The following PRICKLE1 variants were observed in gnomAD, a reference collection of about 807,000 sequenced individuals.
PRICKLE1 encodes prickle planar cell polarity protein 1, also known as prickle-like protein 1.
Under a neutral mutation model 70.2 loss-of-function variants are expected in PRICKLE1, and 14 were observed. The ratio of observed to expected loss-of-function variants is 0.20; its 90% CI spans 0.13 to 0.31. PRICKLE1 has a LOEUF of 0.31. PRICKLE1 is among the 10% of genes least tolerant of loss of function. The pLI is 1.00. For missense variants in PRICKLE1, 821 were observed against 1,026.2 expected, an observed-to-expected ratio of 0.80 and a Z score of 2.73; for synonymous variants, 357 against 379.9, an observed-to-expected ratio of 0.94 and a Z score of 0.70.
At chr12:42,494,836 T>A (rs12313342) in intron 1 of PRICKLE1, among the ~76,000 whole-genome samples, 1 of 148,354 alleles carries the variant, frequency 6.7e-6, no homozygotes, top group South Asian at 2.1e-4. Flanking sequence ...CAATTCCTCG[T>A]CTGATAAAAT....
At chr12:42,550,776 C>T (rs1036972395) in intron 1 of PRICKLE1, among the ~76,000 whole-genome samples, 3 of 152,136 alleles carry the variant, frequency 2.0e-5, no homozygotes, top group East Asian at 1.9e-4. Flanking sequence ...TGAGAACGCT[C>T]GAAGTTACTT....
chr12:42,492,497 G>GCCAAAA (rs1180505931), intron 1 of PRICKLE1, among the ~76,000 whole-genome samples: 1 of 152,208 alleles, frequency 6.6e-6, no homozygotes, highest in African/African-American at 2.4e-5. Context: ...CGAGCAGCCA[G>GCCAAAA]AAGCCTCCTG....
chr12:42,561,917 T>C (rs1940522863), intron 1 of PRICKLE1, among the ~76,000 whole-genome samples: 5 of 145,640 alleles, frequency 3.4e-5, no homozygotes, highest in Admixed American at 2.7e-4. Context: ...TTTTTTTTTT[T>C]TTTTTTTTTT....
intron 1 of PRICKLE1, among the ~76,000 whole-genome samples, chr12:42,513,583 T>A (rs556009527): frequency 1.3e-5 from 2 of 151,492 alleles, no homozygotes; most frequent in South Asian, 4.2e-4. Context: ...AAAAAATGAA[T>A]AAGAGCTGCT....
At position 42,476,499 on chromosome 12, in the gene PRICKLE1, A is replaced by G. The variant is rs187234458; in HGVS notation, c.-48-3935T>C. 2.3e-3 allele frequency among the ~76,000 whole-genome samples: 350 copies of G among 150,644 alleles called. 1 individual carries two copies. The highest frequency in any genetic ancestry group is 8.3e-3 in the African/African-American group (339 of 40,894). Reference sequence around the variant, plus strand: ...ACCTGGCTAATTTTGTATTTTTAGTAGAGACGGGGTTTCTCCATGTTGGTC... The same window carrying G: ...ACCTGGCTAATTTTGTATTTTTAGTGGAGACGGGGTTTCTCCATGTTGGTC... On this transcript the variant is annotated intron_variant, in intron 1 of 7. Transcript: ENST00000345127.
chr12:42,542,242 G>GTT (rs1293184518), intron 1 of PRICKLE1, among the ~76,000 whole-genome samples: 1 of 148,468 alleles, frequency 6.7e-6, no homozygotes, highest in Non-Finnish European at 1.5e-5. Flanking sequence ...GTGGTCTTTG[G>GTT]TTTTTTTTTT....
chr12:42,558,628 G>T (rs374745505), intron 1 of PRICKLE1, among the ~76,000 whole-genome samples: 2 of 152,196 alleles, frequency 1.3e-5, no homozygotes, highest in Admixed American at 6.5e-5. Flanking sequence ...CCACAAGCTC[G>T]CTGTCTTTGA....
intron 1 of PRICKLE1, among the ~76,000 whole-genome samples, chr12:42,552,058 ACTTTT>A (rs1271247152): frequency 9.9e-6 from 1 of 101,482 alleles, no homozygotes; most frequent in Non-Finnish European, 2.0e-5. Flanking sequence ...CAAGAAAGTT[ACTTTT>A]TTTTTTTTTT....
chr12:42,462,080 G>A (rs1246314064), intron 7 of PRICKLE1, among the ~76,000 whole-genome samples: 3 of 152,206 alleles, frequency 2.0e-5, no homozygotes, highest in South Asian at 2.1e-4. Flanking sequence ...TTACAGGTGT[G>A]AGCCACCGCG....
At chr12:42,532,828 C>T (rs1176983504) in intron 1 of PRICKLE1, among the ~76,000 whole-genome samples, 2 of 147,660 alleles carry the variant, frequency 1.4e-5, no homozygotes, top group Non-Finnish European at 1.5e-5. Context: ...ACCCGGGAGG[C>T]GGAGCTTGCA....
At chr12:42,532,063 C>T (rs1939927984) in intron 1 of PRICKLE1, among the ~76,000 whole-genome samples, 1 of 152,172 alleles carries the variant, frequency 6.6e-6, no homozygotes, top group South Asian at 2.1e-4. Context: ...ACTTGAAAGG[C>T]TGAAGTGGAA....
At position 42,460,485 on chromosome 12, in the gene PRICKLE1, A is replaced by G. The variant is rs996774066; in HGVS notation, c.1820T>C (p.Ile607Thr). Residue 607 changes from isoleucine to threonine, a missense_variant, in exon 8 of 8, where the codon ATC becomes ACC. Coordinates refer to ENST00000345127, the MANE Select transcript of PRICKLE1 (RefSeq NM_153026.3). ...ATGTACTGGCTTCTCTTCAGGCAGGATTTTCTCTGGACACAACTCTGAACT... is the reference window on the plus strand; with the variant it reads ...ATGTACTGGCTTCTCTTCAGGCAGGGTTTTCTCTGGACACAACTCTGAACT... ...SLSSELCPEK[I>T]LPEEKPVHLP... 2 of 1,613,588 alleles carry G rather than the reference A, an allele frequency of 1.2e-6. No homozygotes were observed. The highest frequency in any genetic ancestry group is 1.7e-6 in the Non-Finnish European group (2 of 1,179,650).
chr12:42,491,805 G>A (rs1007344621), intron 1 of PRICKLE1, among the ~76,000 whole-genome samples: 86 of 130,746 alleles, frequency 6.6e-4, no homozygotes, highest in African/African-American at 2.3e-3. Context: ...TTTTTGAGCC[G>A]GAGTTTCACT....
At chr12:42,485,275 T>C in intron 1 of PRICKLE1, 1 of 123,144 alleles carries the variant, frequency 8.1e-6, no homozygotes, top group Admixed American at 9.3e-5. Flanking sequence ...TTTTTGTTAC[T>C]CTCTTAAAGT....
chr12:42,536,709 T>A lies in PRICKLE1; in HGVS notation c.-49+52756A>T, dbSNP rs536543075. Among the ~76,000 whole-genome samples the A allele has an allele frequency of 2.6e-5, 4 of 152,320 alleles. No individual in the cohort carries two copies. The South Asian group carries it at 8.3e-4, about 32-fold the overall frequency. On this transcript the variant is annotated intron_variant, in intron 1 of 7. Coordinates refer to ENST00000345127, the MANE Select transcript of PRICKLE1 (RefSeq NM_153026.3). ...CTGAACTCTGCTCACCTGGGCAAGA[T>A]GCTGCCACTTTCTTTGGGTCATCTG... is the stretch of plus-strand genomic sequence containing the variant.
At chr12:42,467,085 G>A (rs1938123801) in intron 5 of PRICKLE1, among the ~76,000 whole-genome samples, 1 of 151,726 alleles carries the variant, frequency 6.6e-6, no homozygotes, top group African/African-American at 2.4e-5. Context: ...TCTCACCATG[G>A]GGTCTAGTCT....
chr12:42,479,183 C>T (rs962694882), intron 1 of PRICKLE1, among the ~76,000 whole-genome samples: 2 of 152,216 alleles, frequency 1.3e-5, no homozygotes, highest in African/African-American at 4.8e-5. Flanking sequence ...TGGGACTAAA[C>T]AGACTTTCTT....
chr12:42,549,992 A>T (rs189423056), intron 1 of PRICKLE1, among the ~76,000 whole-genome samples: 7 of 152,366 alleles, frequency 4.6e-5, no homozygotes, highest in African/African-American at 1.7e-4. Context: ...CTCAAGTAGC[A>T]TCTCTGCTCT....
At chr12:42,551,047 C>T (rs1940306094) in intron 1 of PRICKLE1, among the ~76,000 whole-genome samples, 2 of 152,110 alleles carry the variant, frequency 1.3e-5, no homozygotes, top group African/African-American at 4.8e-5. Context: ...CACAAAAAAG[C>T]CTTATTGAGG....
Sources: gnomAD v4.1 joint callset for allele counts (sites outside exome capture counted in the v4.1 genomes callset) on GRCh38, gnomAD v4.1.1 for gene constraint, MANE v1.5 for transcripts, NCBI Gene and HGNC (gene_info 2026-07-23, HGNC 2026-07-21) for gene names.